Variants in FARS2 observed in about 807,000 individuals in gnomAD.
The protein encoded by FARS2 is phenylalanyl-tRNA synthetase 2, mitochondrial.
FARS2 carries 40 observed loss-of-function variants against 46.4 expected under a neutral mutation model. That is an observed-to-expected ratio of 0.86 (90% confidence interval 0.67 to 1.12). The LOEUF is 1.12. FARS2 is among the 50% of genes most tolerant of loss of function. FARS2 has a pLI of 0.00. For synonymous variants in FARS2, 234 were observed against 214.9 expected (o/e 1.09, Z -0.78); for missense variants, 513 against 567.9 (o/e 0.90, Z 0.98).
In FARS2 at chr6:5,545,258, A is replaced by G. The variant is rs1275550311; in HGVS notation, c.983A>G (p.Asp328Gly). The change falls in exon 5 of 7, where the codon GAT (aspartate) becomes GGT (glycine). Residue 328 changes from aspartate to glycine, a missense_variant. By Grantham distance (94) the Asp-to-Gly change is moderately conservative (BLOSUM62 -1). Coordinates refer to ENST00000274680, the MANE Select transcript of FARS2 (RefSeq NM_006567.5). ...GCCATGATCCTCTACGACATCCCTG[A>G]TATCCGTCTCTTCTGGTGTGAGGAC... ...RLAMILYDIP[D>G]IRLFWCEDER... 6.2e-7 allele frequency: 1 copy of G among 1,614,106 alleles called. No homozygotes were observed. The highest frequency in any genetic ancestry group is 1.1e-5 in the South Asian group (1 of 91,084).
intron 4 of FARS2, among the ~76,000 whole-genome samples, chr6:5,543,848 A>G (rs1441795131): frequency 1.4e-5 from 2 of 148,096 alleles, no homozygotes; most frequent in Admixed American, 1.3e-4. Context: ...ACTTTTCTCT[A>G]CATTTTGAAT....
Position 5,438,353 on chromosome 6 carries a change from C to A in FARS2, c.904+7181C>A, listed in dbSNP as rs191571337. 2.3e-3 allele frequency among the ~76,000 whole-genome samples: 337 copies of A among 148,386 alleles called. 1 individual carries two copies. The highest frequency in any genetic ancestry group is 7.8e-3 in the African/African-American group (314 of 40,314). On this transcript the variant is annotated intron_variant, in intron 4 of 6. Transcript: ENST00000274680. ...GATCTTTTGATTTTGTCCCAGGAGACCCTGAGACTCTGCTTACTTTTTTTT... is the reference window on the plus strand; with the variant it reads ...GATCTTTTGATTTTGTCCCAGGAGAACCTGAGACTCTGCTTACTTTTTTTT...
chr6:5,743,539 A>G (rs1761470358), intron 6 of FARS2, among the ~76,000 whole-genome samples: 1 of 152,248 alleles, frequency 6.6e-6, no homozygotes, highest in South Asian at 2.1e-4. Context: ...CATGCTCTAT[A>G]ATAACCTTAT....
At chr6:5,725,132 G>A (rs979451455) in intron 6 of FARS2, among the ~76,000 whole-genome samples, 1 of 152,262 alleles carries the variant, frequency 6.6e-6, no homozygotes, top group Non-Finnish European at 1.5e-5. Flanking sequence ...TGAAATCTCT[G>A]GATGATGCGG....
At chr6:5,637,968 G>A (rs1020933748) in intron 6 of FARS2, among the ~76,000 whole-genome samples, 2 of 152,158 alleles carry the variant, frequency 1.3e-5, no homozygotes, top group African/African-American at 4.8e-5. Context: ...AATTTTGGGA[G>A]GACACAGTTC....
chr6:5,731,083 G>A (rs114258935), intron 6 of FARS2, among the ~76,000 whole-genome samples: 3,505 of 152,204 alleles, frequency 0.023, 130 homozygotes, highest in African/African-American at 0.08. Context: ...CATACAGCCC[G>A]CCCCCGATGA....
At chr6:5,670,028 T>C (rs964803088) in intron 6 of FARS2, among the ~76,000 whole-genome samples, 3 of 152,226 alleles carry the variant, frequency 2.0e-5, no homozygotes, top group Non-Finnish European at 4.4e-5. Flanking sequence ...TCTGTTCATA[T>C]TCAAACATTA....
chr6:5,431,097 A>G lies in FARS2; in HGVS notation c.829A>G (p.Met277Val), dbSNP rs1390837033. 1 of 1,613,934 alleles carries G rather than the reference A, an allele frequency of 6.2e-7. No individual in the cohort carries two copies. Among genetic ancestry groups the G allele is most frequent in the Admixed American group, 1.7e-5 (1 of 60,006 alleles). Residue 277 changes from methionine (M) to valine (V), a missense_variant, in exon 4 of 7, where the codon ATG becomes GTG. Transcript: ENST00000274680. ...YFPFTHPSFE[M>V]EINFHGEWLE... ...CCCTTTTACACATCCTTCCTTTGAGATGGAGATCAACTTTCATGGAGAATG... is the reference window on the plus strand; with the variant it reads ...CCCTTTTACACATCCTTCCTTTGAGGTGGAGATCAACTTTCATGGAGAATG...
intron 4 of FARS2, among the ~76,000 whole-genome samples, chr6:5,539,407 T>TATATATATATATATATATATA (rs771563949): frequency 1.4e-5 from 2 of 143,504 alleles, no homozygotes; most frequent in African/African-American, 2.6e-5. Flanking sequence ...TATGTATATA[T>TATATATATATATATATATATA]TTTTTTAGTA....
intron 5 of FARS2, among the ~76,000 whole-genome samples, chr6:5,593,683 T>C (rs1217787582): frequency 2.0e-5 from 3 of 152,038 alleles, no homozygotes; most frequent in Non-Finnish European, 4.4e-5. Flanking sequence ...AATCCTTGGG[T>C]TATTTGGGGA....
intron 6 of FARS2, among the ~76,000 whole-genome samples, chr6:5,693,394 G>C (rs888926435): frequency 1.3e-5 from 2 of 152,222 alleles, no homozygotes; most frequent in Non-Finnish European, 2.9e-5. Flanking sequence ...CTTTGATGTA[G>C]GGAGGGAGAG....
intron 4 of FARS2, chr6:5,452,265 G>C (rs1469688473): frequency 6.6e-6 from 1 of 152,238 alleles, no homozygotes; most frequent in Non-Finnish European, 1.5e-5. Flanking sequence ...TGTAGCTTGG[G>C]GGCTACACCA....
intron 5 of FARS2, among the ~76,000 whole-genome samples, chr6:5,589,147 T>C (rs1448755773): frequency 1.3e-5 from 2 of 152,116 alleles, no homozygotes; most frequent in Non-Finnish European, 2.9e-5. Flanking sequence ...GCCTGGTCCA[T>C]AGGGAGGAGG....
At chr6:5,592,308 C>T (rs1321778657) in intron 5 of FARS2, among the ~76,000 whole-genome samples, 2 of 151,972 alleles carry the variant, frequency 1.3e-5, no homozygotes, top group African/African-American at 4.8e-5. Flanking sequence ...ATCACTTGAG[C>T]CCAGGAGGTT....
intron 4 of FARS2, among the ~76,000 whole-genome samples, chr6:5,479,271 G>A (rs191487029): frequency 1.8e-4 from 28 of 152,316 alleles, no homozygotes; most frequent in African/African-American, 6.5e-4. Context: ...TGTGTTGGGT[G>A]TGTGCCCTCT....
At chr6:5,445,145 T>C (rs1375785856) in intron 4 of FARS2, among the ~76,000 whole-genome samples, 1 of 151,840 alleles carries the variant, frequency 6.6e-6, no homozygotes, top group Non-Finnish European at 1.5e-5. Context: ...ATATGGTTGG[T>C]TAATCAGGGT....
At chr6:5,544,995 C>T (rs549771629) in intron 4 of FARS2, among the ~76,000 whole-genome samples, 185 bp from the exon 5 acceptor site, 105 of 152,210 alleles carry the variant, frequency 6.9e-4, no homozygotes, top group African/African-American at 2.3e-3. Context: ...GAGGGCAGTC[C>T]GGAATATGGA....
chr6:5,271,098 A>G (rs1322481924), intron 1 of FARS2, among the ~76,000 whole-genome samples: 2 of 152,232 alleles, frequency 1.3e-5, no homozygotes, highest in East Asian at 1.9e-4. Context: ...TTGAGGGTTC[A>G]GAAGCCAGAT....
intron 6 of FARS2, among the ~76,000 whole-genome samples, chr6:5,696,147 A>C (rs1758092878): frequency 6.6e-6 from 1 of 152,222 alleles, no homozygotes; most frequent in African/African-American, 2.4e-5. Context: ...TCTATATTAA[A>C]ACTGAAAATA....
Sources: allele counts gnomAD v4.1 joint callset (sites outside exome capture counted in the v4.1 genomes callset), GRCh38; gene constraint gnomAD v4.1.1; transcripts MANE v1.5; gene names NCBI Gene and HGNC (gene_info 2026-07-23, HGNC 2026-07-21).